The following RAP1GDS1 variants were observed in gnomAD, a reference collection of about 807,000 sequenced individuals.
The protein encoded by RAP1GDS1 is RAP1, GTP-GDP dissociation stimulator 1.
In RAP1GDS1, 35 loss-of-function variants were observed where a neutral mutation model predicts 71.1. The observed-to-expected ratio is 0.49, with a 90% CI of 0.38 to 0.65. The LOEUF is 0.65. Among genes scored for constraint, RAP1GDS1 ranks in the 30% least tolerant of loss-of-function variants. The probability of loss-of-function intolerance (pLI) is 0.00; values close to 1 mark genes in which losing one functional copy is unlikely to be tolerated. For synonymous variants in RAP1GDS1, 229 were observed against 243.1 expected, an observed-to-expected ratio of 0.94 and a Z score of 0.54; for missense variants, 663 against 706.1, an observed-to-expected ratio of 0.94 and a Z score of 0.69.
intron 6 of RAP1GDS1, among the ~76,000 whole-genome samples, chr4:98,394,464 T>C (rs957520083): frequency 1.3e-5 from 2 of 152,086 alleles, no homozygotes; most frequent in African/African-American, 4.8e-5. Flanking sequence ...AAGAAACTTA[T>C]TCCATGTAGT....
At chr4:98,379,784 G>A (rs949351982) in intron 5 of RAP1GDS1, among the ~76,000 whole-genome samples, 4 of 151,776 alleles carry the variant, frequency 2.6e-5, no homozygotes, top group Non-Finnish European at 4.4e-5. Flanking sequence ...TTCACAATAC[G>A]TTTGTGTCAC....
At chr4:98,288,541 A>G (rs1390912509) in intron 1 of RAP1GDS1, among the ~76,000 whole-genome samples, 1 of 152,168 alleles carries the variant, frequency 6.6e-6, no homozygotes, top group Non-Finnish European at 1.5e-5. Context: ...CTTTGGGTAT[A>G]TACCCAGTAA....
intron 5 of RAP1GDS1, among the ~76,000 whole-genome samples, chr4:98,391,228 A>G (rs1743607612): frequency 1.3e-5 from 2 of 152,116 alleles, no homozygotes; most frequent in Admixed American, 1.3e-4. Flanking sequence ...TTCAAAATCA[A>G]TTAGTTTCTT....
At chr4:98,336,877 T>TTTTTG (rs561336006) in intron 2 of RAP1GDS1, among the ~76,000 whole-genome samples, 5 of 151,866 alleles carry the variant, frequency 3.3e-5, no homozygotes, top group Non-Finnish European at 5.9e-5. Flanking sequence ...TTCTGGGTTT[T>TTTTTG]TTTTGTTTTG....
At chr4:98,369,890 T>C (rs996408688) in intron 4 of RAP1GDS1, among the ~76,000 whole-genome samples, 12 of 152,196 alleles carry the variant, frequency 7.9e-5, no homozygotes, top group Non-Finnish European at 1.8e-4. Flanking sequence ...CCAATTAGAA[T>C]CTAAACAAAA....
intron 1 of RAP1GDS1, among the ~76,000 whole-genome samples, chr4:98,264,205 A>T (rs1722405587): frequency 1.3e-5 from 2 of 152,158 alleles, no homozygotes; most frequent in African/African-American, 2.4e-5. Flanking sequence ...AGCCTGACTA[A>T]CATGGTAAAA....
chr4:98,348,111 C>T (rs931307066), intron 3 of RAP1GDS1, among the ~76,000 whole-genome samples: 3 of 152,042 alleles, frequency 2.0e-5, no homozygotes, highest in African/African-American at 7.2e-5. Context: ...GCTATCCCTC[C>T]CCCGTACCCC....
intron 12 of RAP1GDS1, among the ~76,000 whole-genome samples, chr4:98,429,276 A>G (rs895863195): frequency 9.9e-5 from 15 of 151,620 alleles, no homozygotes; most frequent in African/African-American, 3.6e-4. Context: ...AAAAAAAAGA[A>G]AAGAAACTAT....
Position 98,393,138 on chromosome 4 carries a change from T to C in RAP1GDS1, c.637+1058T>C, listed in dbSNP as rs998980019. ...ATACCGTAGTTACAACAAACAAATA[T>C]ATCAATTCTGTTACGTACCACATTC... On this transcript the variant is annotated intron_variant, in intron 6 of 14. Coordinates refer to ENST00000408927, the MANE Select transcript of RAP1GDS1 (RefSeq NM_001100427.2). 8.5e-5 allele frequency among the ~76,000 whole-genome samples: 13 copies of C among 152,328 alleles called. No individual in the cohort carries two copies. In the South Asian group the frequency reaches 1.0e-3, roughly 12 times the overall value.
intron 4 of RAP1GDS1, among the ~76,000 whole-genome samples, chr4:98,378,734 A>G (rs1487497676): frequency 1.3e-5 from 2 of 151,872 alleles, no homozygotes; most frequent in Non-Finnish European, 2.9e-5. Context: ...AAGTTTTCAT[A>G]TTGTAAACTT....
chr4:98,270,444 G>T (rs1333119855), intron 1 of RAP1GDS1, among the ~76,000 whole-genome samples: 2 of 151,976 alleles, frequency 1.3e-5, no homozygotes, highest in Non-Finnish European at 2.9e-5. Flanking sequence ...GCAACTTAAG[G>T]GTTTGAACCA....
chr4:98,382,604 C>A (rs1005246724), intron 5 of RAP1GDS1, among the ~76,000 whole-genome samples: 4 of 151,432 alleles, frequency 2.6e-5, no homozygotes, highest in African/African-American at 9.7e-5. Flanking sequence ...TATCTGTTTC[C>A]TAGCTTTGGT....
At chr4:98,428,426 G>A (rs1168635596) in intron 12 of RAP1GDS1, among the ~76,000 whole-genome samples, 1 of 152,078 alleles carries the variant, frequency 6.6e-6, no homozygotes, top group African/African-American at 2.4e-5. Context: ...CCCACAGAGT[G>A]GAAGAAAATC....
In RAP1GDS1 at chr4:98,442,177, G is replaced by A. The variant is rs905671601; in HGVS notation, c.*60G>A. 1.0e-5 allele frequency: 16 copies of A among 1,584,454 alleles called. No homozygotes were observed. Among genetic ancestry groups the A allele is most frequent in the East Asian group, 2.2e-5 (1 of 44,550 alleles). ...ATTTCCCCTCTGTCCTCCATCCAGC[G>A]GCTTCTTCCGCTTCATTCTCTACCA... On this transcript the variant is annotated 3_prime_UTR_variant, in exon 15 of 15. Coordinates refer to ENST00000408927, the MANE Select transcript of RAP1GDS1 (RefSeq NM_001100427.2).
At position 98,308,108 on chromosome 4, in the gene RAP1GDS1, T is replaced by C. The variant is rs137974169; in HGVS notation, c.112+14593T>C. Among the ~76,000 whole-genome samples, 9 of 151,688 alleles carry C rather than the reference T, an allele frequency of 5.9e-5. No individual in the cohort carries two copies. The East Asian group carries it at 9.7e-4, about 16-fold the overall frequency. On this transcript the variant is annotated intron_variant, in intron 2 of 14. Coordinates refer to ENST00000408927, the MANE Select transcript of RAP1GDS1 (RefSeq NM_001100427.2). Reference sequence around the variant, plus strand: ...AGGAGTTTGAGACTAGCCTGGGCAGTAAATAAAGACAGCATCTCTATCAAA... The same window carrying C: ...AGGAGTTTGAGACTAGCCTGGGCAGCAAATAAAGACAGCATCTCTATCAAA...
intron 4 of RAP1GDS1, among the ~76,000 whole-genome samples, chr4:98,352,894 A>T (rs891309397): frequency 1.3e-5 from 2 of 152,222 alleles, no homozygotes; most frequent in Non-Finnish European, 2.9e-5. Flanking sequence ...ACATATGTGC[A>T]TCTTCTCAAT....
chr4:98,433,735 T>C (rs1487859814), intron 12 of RAP1GDS1, among the ~76,000 whole-genome samples: 2 of 152,206 alleles, frequency 1.3e-5, no homozygotes, highest in East Asian at 3.8e-4. Flanking sequence ...CTTAGGCAAT[T>C]TAAGTTGTCA....
rs144822084 is a variant in RAP1GDS1 at position 98,268,869 on chromosome 4, T to C, written c.4+7300T>C. Among the ~76,000 whole-genome samples, 123 of 152,276 alleles carry C rather than the reference T, an allele frequency of 8.1e-4. 3 individuals carry two copies. Among genetic ancestry groups the C allele is most frequent in the Middle Eastern group, 3.4e-3 (1 of 294 alleles). On this transcript the variant is annotated intron_variant, in intron 1 of 14. Coordinates refer to ENST00000408927, the MANE Select transcript of RAP1GDS1 (RefSeq NM_001100427.2). ...ATTGGAAGAATTAATATTGTTACAA[T>C]GTTCATAGTACTGAAAGTGATCTAC...
At chr4:98,379,777 AC>A (rs1197780148) in intron 5 of RAP1GDS1, among the ~76,000 whole-genome samples, 2 of 151,926 alleles carry the variant, frequency 1.3e-5, no homozygotes, top group Non-Finnish European at 2.9e-5. Context: ...TTAAGGCTTC[AC>A]AATACGTTTG....
Sources: gnomAD v4.1 joint callset for allele counts (sites outside exome capture counted in the v4.1 genomes callset) on GRCh38, gnomAD v4.1.1 for gene constraint, MANE v1.5 for transcripts, NCBI Gene and HGNC (gene_info 2026-07-23, HGNC 2026-07-21) for gene names.